SNTG1: variants seen among roughly 807,000 people sequenced by gnomAD.
The protein encoded by SNTG1 is syntrophin gamma 1.
In SNTG1, 39 loss-of-function variants were observed where a neutral mutation model predicts 74.7. That is an observed-to-expected ratio of 0.52 (90% CI 0.40 to 0.68). The LOEUF (loss-of-function observed/expected upper bound fraction) is 0.68. SNTG1 is among the 30% of genes least tolerant of loss of function. SNTG1 has a pLI of 0.00. For missense variants in SNTG1, 685 were observed against 609.5 expected, an observed-to-expected ratio of 1.12 and a Z score of -1.30; for synonymous variants, 254 against 217.1, an observed-to-expected ratio of 1.17 and a Z score of -1.49.
chr8:50,430,368 A>G (rs534039995), intron 4 of SNTG1, among the ~76,000 whole-genome samples: 41 of 152,270 alleles, frequency 2.7e-4, no homozygotes, highest in African/African-American at 9.6e-4. Flanking sequence ...GATGTCCCCA[A>G]CTAGTTTCCA....
chr8:50,422,277 A>ATCTATCTATCTGTCTATCTATCTG (rs759085505), intron 4 of SNTG1, among the ~76,000 whole-genome samples: 1 of 151,574 alleles, frequency 6.6e-6, no homozygotes, highest in South Asian at 2.1e-4. Flanking sequence ...TCTACTATCT[A>ATCTATCTATCTGTCTATCTATCTG]TCTATCTATG....
chr8:50,606,592 C>T (rs970356759), intron 13 of SNTG1, among the ~76,000 whole-genome samples: 7 of 151,008 alleles, frequency 4.6e-5, no homozygotes, highest in Admixed American at 1.3e-4. Context: ...ATTCATGGCA[C>T]TGTGAGATTC....
intron 15 of SNTG1, among the ~76,000 whole-genome samples, chr8:50,681,655 G>C (rs920536297): frequency 6.6e-6 from 1 of 152,122 alleles, no homozygotes; most frequent in African/African-American, 2.4e-5. Context: ...GAGAGAGGAG[G>C]ACCGAAAGCC....
chr8:50,571,841 TA>T (rs1379762679), intron 12 of SNTG1, among the ~76,000 whole-genome samples: 9 of 152,100 alleles, frequency 5.9e-5, no homozygotes, highest in Admixed American at 5.2e-4. Context: ...ATTAGAAAAT[TA>T]CAAAAGAAAT....
intron 1 of SNTG1, among the ~76,000 whole-genome samples, chr8:49,923,412 T>A (rs1563351684): frequency 6.6e-6 from 1 of 152,122 alleles, no homozygotes; most frequent in Non-Finnish European, 1.5e-5. Flanking sequence ...TTTATAAGCA[T>A]ATAAAGTCTT....
At chr8:50,288,845 G>A (rs2088930431) in intron 2 of SNTG1, among the ~76,000 whole-genome samples, 1 of 152,038 alleles carries the variant, frequency 6.6e-6, no homozygotes, top group African/African-American at 2.4e-5. Flanking sequence ...TAGGTTGCTA[G>A]CATTAATTTT....
intron 8 of SNTG1, among the ~76,000 whole-genome samples, chr8:50,484,854 C>T (rs1235653923): frequency 1.4e-5 from 2 of 147,354 alleles, no homozygotes; most frequent in East Asian, 2.0e-4. Flanking sequence ...AGAGAGACTC[C>T]ATCTCAAAAA....
chr8:49,920,058 A>G (rs530098222), intron 1 of SNTG1, among the ~76,000 whole-genome samples: 1 of 152,174 alleles, frequency 6.6e-6, no homozygotes, highest in African/African-American at 2.4e-5. Context: ...CAACTTAAGA[A>G]TCCTTTTAAG....
intron 17 of SNTG1, among the ~76,000 whole-genome samples, chr8:50,713,106 C>A (rs1206460739): frequency 3.3e-5 from 5 of 152,178 alleles, no homozygotes; most frequent in African/African-American, 7.2e-5. Context: ...AACTAATTTA[C>A]ACTCCCCACC....
chr8:50,329,619 C>G (rs2090883862), intron 2 of SNTG1, among the ~76,000 whole-genome samples: 1 of 152,120 alleles, frequency 6.6e-6, no homozygotes, highest in Admixed American at 6.6e-5. Flanking sequence ...CAAGGCTACA[C>G]ACAGCAGCCA....
chr8:50,162,498 C>T (rs2082453987), intron 1 of SNTG1, among the ~76,000 whole-genome samples: 2 of 146,406 alleles, frequency 1.4e-5, no homozygotes, highest in Admixed American at 1.4e-4. Context: ...GGAGGTGGAG[C>T]TTGCAGTGAG....
intron 5 of SNTG1, among the ~76,000 whole-genome samples, chr8:50,443,865 G>A (rs1466658843): frequency 6.6e-6 from 1 of 152,126 alleles, no homozygotes; most frequent in African/African-American, 2.4e-5. Flanking sequence ...CAGGCACGGT[G>A]GCTCATGCCT....
At chr8:50,651,028 C>A (rs1396214153) in intron 13 of SNTG1, among the ~76,000 whole-genome samples, 1 of 152,040 alleles carries the variant, frequency 6.6e-6, no homozygotes, top group East Asian at 1.9e-4. Flanking sequence ...AAGTAACTTG[C>A]AAAATATCAT....
At chr8:50,443,102 G>T (rs1250337342) in intron 5 of SNTG1, among the ~76,000 whole-genome samples, 1 of 152,112 alleles carries the variant, frequency 6.6e-6, no homozygotes, top group African/African-American at 2.4e-5. Context: ...TGCATCGTAG[G>T]ATCCAATATT....
intron 1 of SNTG1, among the ~76,000 whole-genome samples, chr8:50,169,034 C>A (rs1448610124): frequency 6.6e-6 from 1 of 152,132 alleles, no homozygotes; most frequent in Non-Finnish European, 1.5e-5. Flanking sequence ...AAATAATACG[C>A]CAGGCAGAGT....
At chr8:50,298,567 T>C (rs867719305) in intron 2 of SNTG1, among the ~76,000 whole-genome samples, 11 of 152,208 alleles carry the variant, frequency 7.2e-5, no homozygotes, top group African/African-American at 2.7e-4. Context: ...TATTATTTAC[T>C]TTGAAGTAAT....
chr8:50,380,501 T>C (rs1474546673), intron 2 of SNTG1, among the ~76,000 whole-genome samples: 3 of 152,198 alleles, frequency 2.0e-5, no homozygotes, highest in Non-Finnish European at 4.4e-5. Flanking sequence ...AAGCAGAACA[T>C]TATAGAGACT....
chr8:49,936,114 G>C (rs1281977100), intron 1 of SNTG1, among the ~76,000 whole-genome samples: 1 of 152,264 alleles, frequency 6.6e-6, no homozygotes, highest in East Asian at 1.9e-4. Context: ...CAATTGTTGA[G>C]TTTCCAATAT....
chr8:50,713,934 C>T (rs1012732807), intron 17 of SNTG1, among the ~76,000 whole-genome samples: 5 of 151,928 alleles, frequency 3.3e-5, no homozygotes, highest in African/African-American at 1.2e-4. Flanking sequence ...TGGCAGGCAC[C>T]TGTAATCCCA....
Sources: allele counts gnomAD v4.1 joint callset (sites outside exome capture counted in the v4.1 genomes callset), GRCh38; gene constraint gnomAD v4.1.1; transcripts MANE v1.5; gene names NCBI Gene and HGNC (gene_info 2026-07-23, HGNC 2026-07-21).